TBL1X: variants seen among roughly 807,000 people sequenced by gnomAD.
TBL1X encodes F-box-like/WD repeat-containing protein TBL1X.
A neutral mutation model predicts 50.7 loss-of-function variants in TBL1X; 10 were observed. The observed-to-expected ratio is 0.20, with a 90% CI of 0.12 to 0.33. TBL1X has a LOEUF of 0.33. Among genes scored for constraint, TBL1X ranks in the 10% least tolerant of loss-of-function variants. TBL1X has a pLI of 1.00. For synonymous variants in TBL1X, 190 were observed against 214.7 expected (o/e 0.88, Z 1.01); for missense variants, 340 against 504.4 (o/e 0.67, Z 3.12).
Position 9,574,459 on chromosome X carries a change from G to GAA in TBL1X, c.-130-65790_-130-65789dup, listed in dbSNP as rs376384853. Among the ~76,000 whole-genome samples the GAA allele has an allele frequency of 4.1e-3, 124 of 30,102 alleles. 3 individuals carry two copies. Among genetic ancestry groups the GAA allele is most frequent in the African/African-American group, 9.0e-3 (91 of 10,143 alleles). The allele number at this position is 30,102 out of a possible 115,157, so 26.1% of individuals were successfully genotyped here. A position where few individuals can be genotyped will look rare whatever the true frequency, so the allele number is the denominator to read the frequency against. On this transcript the variant is annotated intron_variant, in intron 2 of 17. Transcript: ENST00000645353. ...GACAGAGTGAGACCCTGTCTCAAAT[G>GAA]AAAAAAAAAAAAAAAAAAAAAAAAA... is the stretch of plus-strand genomic sequence containing the variant.
intron 2 of TBL1X, among the ~76,000 whole-genome samples, chrX:9,566,224 C>T (rs1330909191): frequency 8.9e-6 from 1 of 111,893 alleles, no homozygotes; most frequent in Non-Finnish European, 1.9e-5. Flanking sequence ...CTCTGGCCTC[C>T]ACCCACTGGA....
At position 9,715,490 on chromosome X, in the gene TBL1X, C is replaced by T. The variant is rs190037242; in HGVS notation, c.1707+487C>T. ...GGACAGCGGGTGACCATACTGATTC[C>T]TGTAGGCAACCAGAACACAATGGTA... On this transcript the variant is annotated intron_variant, in intron 17 of 17. Transcript: ENST00000645353. Among the ~76,000 whole-genome samples the T allele has an allele frequency of 4.5e-5, 5 of 111,962 alleles. No individual in the cohort carries two copies. The East Asian group carries it at 1.4e-3, about 32-fold the overall frequency.
chrX:9,518,876 G>A (rs1296423531), intron 2 of TBL1X, among the ~76,000 whole-genome samples: 2 of 110,887 alleles, frequency 1.8e-5, no homozygotes, highest in South Asian at 3.9e-4. Context: ...CCATGCTGAC[G>A]TGTAAGGCAG....
Position 9,549,689 on chromosome X carries a change from T to C in TBL1X, c.-131+47840T>C, listed in dbSNP as rs532720703. On this transcript the variant is annotated intron_variant, in intron 2 of 17. Transcript: ENST00000645353. ...AATGACTCAAAAGAAAGGGCGCTTG[T>C]TCCCTCCCTTCCTTCCTGGGCAGGC... is the stretch of plus-strand genomic sequence containing the variant. 2.0e-4 allele frequency among the ~76,000 whole-genome samples: 22 copies of C among 111,875 alleles called. No individual in the cohort carries two copies. In the South Asian group the frequency reaches 7.2e-3, roughly 36 times the overall value.
rs1191033204 is a variant in TBL1X, at chrX:9,709,770, G to A, written c.1439+10G>A. ...ACATCATGTTGGCAAGGTAAGGGCA[G>A]GCAACACAGCTGGCACAGCTCGGTG... On this transcript the variant is annotated intron_variant, in intron 15 of 17. Coordinates refer to ENST00000645353, the MANE Select transcript of TBL1X (RefSeq NM_005647.4). 8.3e-7 allele frequency: 1 copy of A among 1,207,303 alleles called. No individual in the cohort carries two copies. Among genetic ancestry groups the A allele is most frequent in the East Asian group, 3.0e-5 (1 of 33,745 alleles).
At chrX:9,620,194 C>T (rs2082659558) in intron 2 of TBL1X, among the ~76,000 whole-genome samples, 1 of 112,267 alleles carries the variant, frequency 8.9e-6, no homozygotes, top group African/African-American at 3.2e-5. Flanking sequence ...ATTGTAAAAG[C>T]CCTGCAAGAC....
chrX:9,500,220 C>T (rs375815777), intron 1 of TBL1X, among the ~76,000 whole-genome samples: 1 of 95,306 alleles, frequency 1.0e-5, no homozygotes, highest in Admixed American at 1.3e-4. Flanking sequence ...GAGGCTGCAG[C>T]GAGCCATGAT....
In TBL1X at chrX:9,527,007, G is replaced by A. The variant is rs943738585; in HGVS notation, c.-131+25158G>A. Among the ~76,000 whole-genome samples, 22 of 112,042 alleles carry A rather than the reference G, an allele frequency of 2.0e-4. 1 individual carries two copies. The highest frequency in any genetic ancestry group is 6.8e-4 in the African/African-American group (21 of 30,756). On this transcript the variant is annotated intron_variant, in intron 2 of 17. Transcript: ENST00000645353. The stretch of plus-strand genomic sequence containing the variant: ...CCCCGCCACACGGAACCACTGGGAA[G>A]CTGAGGCTTGGAGATTGCGTGGGAT...
chrX:9,655,729 C>T (rs1305125384), intron 5 of TBL1X, among the ~76,000 whole-genome samples: 2 of 111,966 alleles, frequency 1.8e-5, no homozygotes, highest in Non-Finnish European at 3.8e-5. Flanking sequence ...TGCATGTATT[C>T]GATTGGAGGG....
chrX:9,545,291 C>T (rs180979342), intron 2 of TBL1X, among the ~76,000 whole-genome samples: 1 of 111,060 alleles, frequency 9.0e-6, no homozygotes, highest in African/African-American at 3.3e-5. Context: ...CCTATAATCC[C>T]AGCACTTTGC....
In TBL1X at chrX:9,709,330, C is replaced by T; in HGVS notation, c.1311+8C>T. The stretch of plus-strand genomic sequence containing the variant: ...GATGACATGACATTGAAGGTAGAGT[C>T]GGCATGGCAAGGGGTGGGCTGTTTA... On this transcript the variant is annotated splice_region_variant and intron_variant, in intron 14 of 17. Coordinates refer to ENST00000645353, the MANE Select transcript of TBL1X (RefSeq NM_005647.4). The T allele has an allele frequency of 9.1e-6, 11 of 1,209,073 alleles. No homozygotes were observed. Among genetic ancestry groups the T allele is most frequent in the Admixed American group, 6.5e-5 (3 of 45,843 alleles).
At chrX:9,575,231 A>T (rs1045118084) in intron 2 of TBL1X, among the ~76,000 whole-genome samples, 3 of 110,784 alleles carry the variant, frequency 2.7e-5, no homozygotes, top group African/African-American at 6.6e-5. Flanking sequence ...CAAGAACAGC[A>T]TGGGGGAAAC....
chrX:9,557,238 C>T (rs752297882), intron 2 of TBL1X, among the ~76,000 whole-genome samples: 1 of 112,302 alleles, frequency 8.9e-6, no homozygotes, highest in South Asian at 3.6e-4. Flanking sequence ...GTAAGAAACA[C>T]GAGGTCAGTC....
chrX:9,610,243 C>A (rs149545658), intron 2 of TBL1X, among the ~76,000 whole-genome samples: 1 of 112,523 alleles, frequency 8.9e-6, no homozygotes, highest in Non-Finnish European at 1.9e-5. Flanking sequence ...CAAGAGCATG[C>A]GGAGGCTGCT....
chrX:9,622,491 T>C (rs2082672232), intron 2 of TBL1X, among the ~76,000 whole-genome samples: 1 of 111,613 alleles, frequency 9.0e-6, no homozygotes. Context: ...AGTCTCACTC[T>C]ATCACCCAGG....
At chrX:9,656,526 T>G (rs896469365) in intron 5 of TBL1X, among the ~76,000 whole-genome samples, 3 of 112,660 alleles carry the variant, frequency 2.7e-5, no homozygotes, top group African/African-American at 9.7e-5. Flanking sequence ...TATTCAGTGT[T>G]TGTTTATGAA....
chrX:9,518,265 A>C (rs192542530), intron 2 of TBL1X, among the ~76,000 whole-genome samples: 1 of 112,105 alleles, frequency 8.9e-6, no homozygotes. Flanking sequence ...GGCAACAGAC[A>C]CTGTCTGTCT....
chrX:9,646,778 G>C (rs999346331), intron 3 of TBL1X, among the ~76,000 whole-genome samples: 4 of 112,392 alleles, frequency 3.6e-5, no homozygotes, highest in Admixed American at 9.4e-5. Context: ...AGATCTTTAA[G>C]ATGTTTACAT....
intron 2 of TBL1X, among the ~76,000 whole-genome samples, chrX:9,562,695 A>G (rs112924666): frequency 0.012 from 1,348 of 110,957 alleles, 17 homozygotes; most frequent in African/African-American, 0.041. Context: ...AAAATGAAAG[A>G]TTTTTCCTGA....
Sources: allele counts gnomAD v4.1 joint callset (sites outside exome capture counted in the v4.1 genomes callset), GRCh38; gene constraint gnomAD v4.1.1; transcripts MANE v1.5; gene names NCBI Gene and HGNC (gene_info 2026-07-23, HGNC 2026-07-21).